DGKB: variants seen among roughly 807,000 people sequenced by gnomAD.
The protein encoded by DGKB is diacylglycerol kinase beta.
A neutral mutation model predicts 114.3 loss-of-function variants in DGKB; 67 were observed. That is an observed-to-expected ratio of 0.59 (90% CI 0.48 to 0.72). DGKB has a LOEUF of 0.72. Ranked by LOEUF, DGKB falls within the 30% of genes least tolerant of loss-of-function variation. DGKB has a pLI of 0.00. For synonymous variants in DGKB, 398 were observed against 323.1 expected (o/e 1.23, Z -2.49); for missense variants, 907 against 975.2 (o/e 0.93, Z 0.93).
At chr7:14,316,723 C>A (rs923397788) in intron 23 of DGKB, among the ~76,000 whole-genome samples, 28 of 150,140 alleles carry the variant, frequency 1.9e-4, no homozygotes, top group African/African-American at 5.9e-4. Context: ...GAATTGGTAC[C>A]ATTCCTTCTG....
chr7:14,479,213 A>T (rs915636118), intron 20 of DGKB, among the ~76,000 whole-genome samples: 42 of 152,130 alleles, frequency 2.8e-4, no homozygotes, highest in African/African-American at 9.4e-4. Context: ...AAACTCAAGG[A>T]AATAAAGAAG....
At chr7:14,271,535 T>C (rs1321984605) in intron 23 of DGKB, among the ~76,000 whole-genome samples, 2 of 152,132 alleles carry the variant, frequency 1.3e-5, no homozygotes, top group Non-Finnish European at 2.9e-5. Flanking sequence ...TTCTGTTCCA[T>C]TACTAATTTA....
Position 14,726,545 on chromosome 7 carries a change from G to T in DGKB, c.323-7860C>A, listed in dbSNP as rs533989281. Among the ~76,000 whole-genome samples, 145 of 152,274 alleles carry T rather than the reference G, an allele frequency of 9.5e-4. 1 individual carries two copies. Among genetic ancestry groups the T allele is most frequent in the African/African-American group, 3.3e-3 (138 of 41,562 alleles). On this transcript the variant is annotated intron_variant, in intron 5 of 25. Transcript: ENST00000402815. ...AAAAGACCTTTGTTTTAAGAGTCTG[G>T]TTTTCAAGACTCTTAAGGGTGGATA...
At chr7:14,250,697 T>G (rs1388500024) in intron 23 of DGKB, among the ~76,000 whole-genome samples, 1 of 152,190 alleles carries the variant, frequency 6.6e-6, no homozygotes, top group Non-Finnish European at 1.5e-5. Flanking sequence ...GTTTCCTTAT[T>G]GATTTTCTGT....
chr7:14,254,556 T>G (rs1463329488), intron 23 of DGKB, among the ~76,000 whole-genome samples: 1 of 152,000 alleles, frequency 6.6e-6, no homozygotes, highest in African/African-American at 2.4e-5. Context: ...TTTAACCATA[T>G]GCATGTTAAT....
At chr7:14,268,643 C>T (rs1413651505) in intron 23 of DGKB, among the ~76,000 whole-genome samples, 1 of 151,906 alleles carries the variant, frequency 6.6e-6, no homozygotes, top group Admixed American at 6.6e-5. Flanking sequence ...TTGGGGATTC[C>T]TAGCATTCAG....
intron 5 of DGKB, among the ~76,000 whole-genome samples, chr7:14,732,946 T>A (rs1831138476): frequency 6.6e-6 from 1 of 152,190 alleles, no homozygotes; most frequent in African/African-American, 2.4e-5. Flanking sequence ...GACAACATTA[T>A]CCAGAAATAT....
At chr7:14,825,903 A>T (rs1323916399) in intron 2 of DGKB, among the ~76,000 whole-genome samples, 2 of 152,190 alleles carry the variant, frequency 1.3e-5, no homozygotes, top group Non-Finnish European at 2.9e-5. Context: ...GGAGGATTGA[A>T]GGAACACAAA....
chr7:14,618,213 C>A (rs1017573346), intron 15 of DGKB, among the ~76,000 whole-genome samples: 2 of 151,388 alleles, frequency 1.3e-5, no homozygotes, highest in Non-Finnish European at 3.0e-5. Flanking sequence ...ATATACTATA[C>A]ACTTACATTT....
chr7:14,885,196 C>A (rs982381118), intron 1 of DGKB, among the ~76,000 whole-genome samples: 3 of 151,924 alleles, frequency 2.0e-5, no homozygotes, highest in Non-Finnish European at 4.4e-5. Flanking sequence ...AGAATATCTA[C>A]ATGTAACTGA....
chr7:14,546,981 C>T (rs1794384853), intron 20 of DGKB, among the ~76,000 whole-genome samples: 1 of 152,158 alleles, frequency 6.6e-6, no homozygotes, highest in Non-Finnish European at 1.5e-5. Flanking sequence ...ATGCCTAAAA[C>T]CACCATACTT....
At chr7:14,259,181 G>C (rs1796364723) in intron 23 of DGKB, among the ~76,000 whole-genome samples, 1 of 152,036 alleles carries the variant, frequency 6.6e-6, no homozygotes. Context: ...TCATAGAAAG[G>C]CAAAAGGTGA....
intron 13 of DGKB, among the ~76,000 whole-genome samples, chr7:14,647,371 CAG>C (rs1813261443): frequency 6.6e-6 from 1 of 152,114 alleles, no homozygotes; most frequent in Admixed American, 6.5e-5. Context: ...AGGCCCAGGA[CAG>C]AGAGTTTTAC....
chr7:14,502,150 G>A (rs1025162985), intron 20 of DGKB, among the ~76,000 whole-genome samples: 1 of 151,898 alleles, frequency 6.6e-6, no homozygotes, highest in African/African-American at 2.4e-5. Context: ...TGATGAAAGT[G>A]ACATTCTAGG....
chr7:14,788,779 G>A (rs1189270416), intron 2 of DGKB, among the ~76,000 whole-genome samples: 1 of 152,084 alleles, frequency 6.6e-6, no homozygotes, highest in Non-Finnish European at 1.5e-5. Flanking sequence ...GGTACAGTGG[G>A]TTCCTTTCTC....
intron 20 of DGKB, among the ~76,000 whole-genome samples, chr7:14,559,682 A>G (rs1027092406): frequency 3.9e-5 from 6 of 152,196 alleles, no homozygotes; most frequent in Admixed American, 6.5e-5. Context: ...CATTGAAAAT[A>G]AAATATTTAG....
chr7:14,203,093 C>T (rs1470772479), intron 23 of DGKB, among the ~76,000 whole-genome samples: 1 of 126,052 alleles, frequency 7.9e-6, no homozygotes, highest in Non-Finnish European at 1.6e-5. Flanking sequence ...ATGTGTGCAA[C>T]GTGAAAAAAA....
At chr7:14,313,515 C>T (rs976630253) in intron 23 of DGKB, among the ~76,000 whole-genome samples, 20 of 152,186 alleles carry the variant, frequency 1.3e-4, no homozygotes, top group African/African-American at 2.9e-4. Context: ...GGGTGACGGA[C>T]GGCACCTGGA....
At chr7:14,675,783 T>C (rs1267151460) in intron 12 of DGKB, among the ~76,000 whole-genome samples, 2 of 152,002 alleles carry the variant, frequency 1.3e-5, no homozygotes, top group East Asian at 1.9e-4. Flanking sequence ...AAGTCTATAT[T>C]TGATAATATG....
Sources: gnomAD v4.1 joint callset for allele counts (sites outside exome capture counted in the v4.1 genomes callset) on GRCh38, gnomAD v4.1.1 for gene constraint, MANE v1.5 for transcripts, NCBI Gene and HGNC (gene_info 2026-07-23, HGNC 2026-07-21) for gene names.